CDKL1: variants seen among roughly 807,000 people sequenced by gnomAD.
The protein encoded by CDKL1 is cyclin dependent kinase like 1.
Under a neutral mutation model 42.0 loss-of-function variants are expected in CDKL1, and 41 were observed. That is an observed-to-expected ratio of 0.98 (90% CI 0.76 to 1.27). The LOEUF (loss-of-function observed/expected upper bound fraction) is 1.27, where lower values mean the gene tolerates loss of function less well. CDKL1 is among the 50% of genes most tolerant of loss of function. CDKL1 has a pLI of 0.00. For synonymous variants in CDKL1, 153 were observed against 158.6 expected (o/e 0.96, Z 0.26); for missense variants, 394 against 428.4 (o/e 0.92, Z 0.71).
At chr14:50,368,044 G>A (rs139435836) in intron 2 of CDKL1, among the ~76,000 whole-genome samples, 458 of 152,206 alleles carry the variant, frequency 3.0e-3, no homozygotes, top group African/African-American at 0.01. Flanking sequence ...CAGCAGCCAC[G>A]AACTCCCAGG....
intron 3 of CDKL1, among the ~76,000 whole-genome samples, chr14:50,349,767 GT>G (rs1318497343): frequency 6.7e-6 from 1 of 148,752 alleles, no homozygotes; most frequent in Non-Finnish European, 1.5e-5. Flanking sequence ...GTTGTTGTTT[GT>G]TTTTTGTTTT....
At chr14:50,368,522 C>T (rs1474261845) in intron 2 of CDKL1, among the ~76,000 whole-genome samples, 1 of 152,196 alleles carries the variant, frequency 6.6e-6, no homozygotes, top group East Asian at 1.9e-4. Context: ...CCCTAGCCTC[C>T]CAAATTGCTG....
At chr14:50,365,725 G>A (rs2034419080) in intron 2 of CDKL1, among the ~76,000 whole-genome samples, 2 of 152,174 alleles carry the variant, frequency 1.3e-5, no homozygotes, top group Admixed American at 1.3e-4. Context: ...GTTGCCAAAG[G>A]AGATTAACAT....
intron 3 of CDKL1, among the ~76,000 whole-genome samples, chr14:50,358,420 A>ATAATCTG (rs1555341489): frequency 1.3e-5 from 2 of 152,156 alleles, no homozygotes; most frequent in Non-Finnish European, 1.5e-5. Context: ...GGTCAGGCAT[A>ATAATCTG]GACTAACTAA....
chr14:50,348,294 A>C lies in CDKL1; in HGVS notation c.291-3236T>G, dbSNP rs539818455. ...AAGGAGTATGGAAAAAACTGTTTAGAAAATAATTAAATCCCTAGATCCCCT... is the reference window on the plus strand; with the variant it reads ...AAGGAGTATGGAAAAAACTGTTTAGCAAATAATTAAATCCCTAGATCCCCT... On this transcript the variant is annotated intron_variant, in intron 3 of 9. Coordinates refer to ENST00000395834, the MANE Select transcript of CDKL1 (RefSeq NM_004196.7). Among the ~76,000 whole-genome samples the C allele has an allele frequency of 2.6e-5, 4 of 152,298 alleles. No homozygotes were observed. The South Asian group carries it at 8.3e-4, about 32-fold the overall frequency.
At chr14:50,394,436 A>C (rs1053700303) in intron 2 of CDKL1, among the ~76,000 whole-genome samples, 1 of 152,224 alleles carries the variant, frequency 6.6e-6, no homozygotes, top group African/African-American at 2.4e-5. Flanking sequence ...TTACCCACCC[A>C]TTCCAATTTA....
intron 8 of CDKL1, 98 bp from the exon 9 acceptor site, chr14:50,332,530 A>T: frequency 6.6e-7 from 1 of 1,508,344 alleles, no homozygotes; most frequent in Non-Finnish European, 8.8e-7. Flanking sequence ...CTTCAGTTGC[A>T]ATAAGAAGGG....
intron 2 of CDKL1, chr14:50,380,305 A>C (rs2034867941): frequency 2.0e-6 from 1 of 495,780 alleles, no homozygotes; most frequent in South Asian, 1.5e-5. Context: ...GGTGATGCCC[A>C]TGCTAACCCC....
intron 7 of CDKL1, among the ~76,000 whole-genome samples, chr14:50,337,734 A>T (rs1405829459): frequency 7.3e-6 from 1 of 137,414 alleles, no homozygotes; most frequent in African/African-American, 2.8e-5. Context: ...CGCCCAGGCT[A>T]GAGTGCAGCG....
chr14:50,383,304 C>G (rs1310080412), intron 2 of CDKL1, among the ~76,000 whole-genome samples: 3 of 151,882 alleles, frequency 2.0e-5, no homozygotes, highest in Admixed American at 2.0e-4. Flanking sequence ...AATCTCAGCA[C>G]TTTGGGAGGC....
intron 8 of CDKL1, chr14:50,333,925 T>A (rs2033112755): frequency 6.6e-6 from 1 of 151,234 alleles, no homozygotes; most frequent in South Asian, 2.1e-4. Flanking sequence ...AGTTTTTAAA[T>A]GTACTTCAAA....
chr14:50,343,028 G>T lies in CDKL1; in HGVS notation c.364-806C>A, dbSNP rs754648025. The T allele has an allele frequency of 1.4e-4, 193 of 1,351,380 alleles. No homozygotes were observed. In the African/African-American group the frequency reaches 2.7e-3, roughly 19 times the overall value. 83.7% of individuals were successfully genotyped at this position (1,351,380 alleles called of 1,614,324 possible). ...AGACTCAAATCACCTGTGGTTTCCAGCCCACAGCCAACATTCTTAAACAGG... is the reference window on the plus strand; with the variant it reads ...AGACTCAAATCACCTGTGGTTTCCATCCCACAGCCAACATTCTTAAACAGG... On this transcript the variant is annotated intron_variant, in intron 4 of 9. Transcript: ENST00000395834.
intron 2 of CDKL1, among the ~76,000 whole-genome samples, chr14:50,395,215 T>C (rs2035364012): frequency 6.6e-6 from 1 of 152,188 alleles, no homozygotes; most frequent in Non-Finnish European, 1.5e-5. Context: ...TTGTCTTACA[T>C]TCCTATACTA....
intron 4 of CDKL1, among the ~76,000 whole-genome samples, chr14:50,344,441 T>C (rs1033486490): frequency 4.0e-5 from 6 of 150,574 alleles, no homozygotes; most frequent in South Asian, 2.1e-4. Context: ...GCAGTATAAA[T>C]GTATGACTAA....
intron 2 of CDKL1, among the ~76,000 whole-genome samples, chr14:50,382,366 G>A (rs1224531520): frequency 6.6e-6 from 1 of 152,188 alleles, no homozygotes. Context: ...GGTAGGAATT[G>A]CGTGAACCCG....
intron 7 of CDKL1, among the ~76,000 whole-genome samples, chr14:50,337,828 G>A (rs186652045): frequency 7.2e-4 from 109 of 151,662 alleles, no homozygotes; most frequent in Admixed American, 1.9e-3. Context: ...CTACAGGTGC[G>A]TGCCACCATG....
At chr14:50,369,987 T>C (rs1329176202) in intron 2 of CDKL1, among the ~76,000 whole-genome samples, 5 of 152,264 alleles carry the variant, frequency 3.3e-5, no homozygotes, top group Admixed American at 2.6e-4. Flanking sequence ...TAATTAAACC[T>C]AGCTAATTAA....
chr14:50,336,019 CT>C (rs1387761872), intron 7 of CDKL1: 1 of 1,366,516 alleles, frequency 7.3e-7, no homozygotes. Context: ...AAATATTTCT[CT>C]TGTTCTTTCT....
At chr14:50,342,765 G>A (rs2033589878) in intron 4 of CDKL1, 2 of 702,066 alleles carry the variant, frequency 2.8e-6, no homozygotes, top group South Asian at 4.3e-5. Flanking sequence ...AACACAGTCA[G>A]CCTCGTAAAC....
Sources: gnomAD v4.1 joint callset for allele counts (sites outside exome capture counted in the v4.1 genomes callset) on GRCh38, gnomAD v4.1.1 for gene constraint, MANE v1.5 for transcripts, NCBI Gene and HGNC (gene_info 2026-07-23, HGNC 2026-07-21) for gene names.